Variants in UBE3C observed in about 807,000 individuals in gnomAD.
UBE3C encodes ubiquitin protein ligase E3C.
A neutral mutation model predicts 129.4 loss-of-function variants in UBE3C; 42 were observed. That is an observed-to-expected ratio of 0.32 (90% CI 0.25 to 0.42). The LOEUF (loss-of-function observed/expected upper bound fraction) is 0.42, where lower values mean the gene tolerates loss of function less well. UBE3C is among the 10% of genes least tolerant of loss of function. UBE3C has a pLI of 1.00. For missense variants in UBE3C, 1,049 were observed against 1,319.1 expected (o/e 0.80, Z 3.17); for synonymous variants, 510 against 492.4 (o/e 1.04, Z -0.47).
At chr7:157,258,277 A>G (rs77354933) in intron 22 of UBE3C, among the ~76,000 whole-genome samples, 2,054 of 152,050 alleles carry the variant, frequency 0.014, 49 homozygotes, top group African/African-American at 0.047. Flanking sequence ...ATAACCTTCA[A>G]TCAGAAAGAG....
At position 157,177,648 on chromosome 7, in the gene UBE3C, G is replaced by A. The variant is rs1808555727; in HGVS notation, c.459-1042G>A. The stretch of plus-strand genomic sequence containing the variant: ...AGTGTGGTGCTGAGGGGAAAGTTGT[G>A]AAAAGGGCAAAGACAAAACAAGGTC... On this transcript the variant is annotated intron_variant, in intron 5 of 22. Transcript: ENST00000348165. 3.9e-5 allele frequency among the ~76,000 whole-genome samples: 6 copies of A among 152,222 alleles called. 1 individual carries two copies. In the South Asian group the frequency reaches 1.0e-3, roughly 26 times the overall value.
chr7:157,247,147 A>G lies in UBE3C; in HGVS notation c.2482-1221A>G, dbSNP rs145876103. Among the ~76,000 whole-genome samples the G allele has an allele frequency of 1.8e-3, 274 of 152,222 alleles. 5 individuals are homozygous for G. In the East Asian group the frequency reaches 0.044, roughly 24 times the overall value. Reference sequence around the variant, plus strand: ...GTGATCCAGCCGCCTCAGCCTCCCAAAGTGCTGGGATTACAGGCGTGAGCC... The same window carrying G: ...GTGATCCAGCCGCCTCAGCCTCCCAGAGTGCTGGGATTACAGGCGTGAGCC... On this transcript the variant is annotated intron_variant, in intron 18 of 22. Transcript: ENST00000348165.
chr7:157,213,082 A>G (rs2117024363), intron 13 of UBE3C, among the ~76,000 whole-genome samples: 1 of 152,334 alleles, frequency 6.6e-6, no homozygotes, highest in East Asian at 1.9e-4. Context: ...GAATAAATTT[A>G]TTAGTACTTG....
chr7:157,253,834 T>G, intron 19 of UBE3C, 120 bp from the exon 20 acceptor site: 1 of 992,656 alleles, frequency 1.0e-6, no homozygotes, highest in Non-Finnish European at 1.5e-6. Flanking sequence ...TATTTCGTAT[T>G]TAGATTCTTG....
intron 10 of UBE3C, chr7:157,192,645 A>G (rs2116958003): frequency 1.3e-6 from 1 of 766,480 alleles, no homozygotes; most frequent in South Asian, 1.3e-5. Context: ...TAAGCGCAAG[A>G]GAAAGAAGGG....
At position 157,180,192 on chromosome 7, in the gene UBE3C, T is replaced by C. The variant is rs3824061; in HGVS notation, c.617-1326T>C. On this transcript the variant is annotated intron_variant, in intron 6 of 22. Coordinates refer to ENST00000348165, the MANE Select transcript of UBE3C (RefSeq NM_014671.3). ...GATAAAATTTTAGCCTTTTAAATTA[T>C]AGTATTACCATTATTTGTATTGTTA... is the stretch of plus-strand genomic sequence containing the variant. 1.8e-4 allele frequency among the ~76,000 whole-genome samples: 27 copies of C among 152,370 alleles called. No homozygotes were observed. In the East Asian group the frequency reaches 4.8e-3, roughly 27 times the overall value.
chr7:157,244,100 C>T lies in UBE3C; in HGVS notation c.2482-4268C>T, dbSNP rs145915780. On this transcript the variant is annotated intron_variant, in intron 18 of 22. Coordinates refer to ENST00000348165, the MANE Select transcript of UBE3C (RefSeq NM_014671.3). The stretch of plus-strand genomic sequence containing the variant: ...ACAAAAATTTGCTGGGCATGGTATG[C>T]GCACTTGTAATCCCAGCTGCTCGCG... Among the ~76,000 whole-genome samples the T allele has an allele frequency of 3.7e-3, 562 of 152,172 alleles. 6 individuals are homozygous for T. Among genetic ancestry groups the T allele is most frequent in the African/African-American group, 0.012 (513 of 41,510 alleles).
At chr7:157,173,318 G>T (rs765392440) in intron 4 of UBE3C, among the ~76,000 whole-genome samples, 8 of 152,226 alleles carry the variant, frequency 5.3e-5, no homozygotes, top group Non-Finnish European at 1.0e-4. Context: ...CAAGGCTGCA[G>T]TGAGCTATGA....
intron 13 of UBE3C, among the ~76,000 whole-genome samples, chr7:157,212,677 CCTG>C (rs1809630663): frequency 6.6e-6 from 1 of 152,212 alleles, no homozygotes; most frequent in Admixed American, 6.5e-5. Context: ...TTAAGGGAAA[CCTG>C]CTTACAGCAT....
In UBE3C at chr7:157,139,189, C is replaced by G; in HGVS notation, c.-84C>G. On this transcript the variant is annotated 5_prime_UTR_variant, in exon 1 of 23. Transcript: ENST00000348165. ...TGCCCCGGGCCGGGCGGGCGGGCGC[C>G]GAGAGCCTCCCAGCCCGCCCCGTGC... 1.9e-6 allele frequency: 2 copies of G among 1,039,128 alleles called. No individual in the cohort carries two copies. 64.4% of individuals were successfully genotyped at this position (1,039,128 alleles called of 1,614,324 possible).
chr7:157,215,642 A>G (rs1044304813), intron 13 of UBE3C, among the ~76,000 whole-genome samples: 2 of 151,294 alleles, frequency 1.3e-5, no homozygotes, highest in African/African-American at 2.4e-5. Flanking sequence ...TTCTGTGGTG[A>G]TTTCCGTTGT....
intron 18 of UBE3C, among the ~76,000 whole-genome samples, chr7:157,247,371 G>C (rs1362404274): frequency 6.6e-6 from 1 of 152,208 alleles, no homozygotes; most frequent in East Asian, 1.9e-4. Flanking sequence ...CTCAAGGAAT[G>C]GTAACTGTTG....
At chr7:157,237,988 G>A (rs1305814509) in intron 18 of UBE3C, among the ~76,000 whole-genome samples, 1 of 151,876 alleles carries the variant, frequency 6.6e-6, no homozygotes, top group East Asian at 1.9e-4. Context: ...AAATGTAGAG[G>A]CTGCAGTGAG....
At chr7:157,202,409 C>CT (rs1390659923) in intron 11 of UBE3C, among the ~76,000 whole-genome samples, 1 of 152,196 alleles carries the variant, frequency 6.6e-6, no homozygotes, top group Non-Finnish European at 1.5e-5. Flanking sequence ...GTAATTCCAG[C>CT]ACTTTGGGAG....
rs1324795732 is a variant in UBE3C at position 157,182,255 on chromosome 7, T to C, written c.918T>C (p.Ser306=). Residue 306 remains serine, a synonymous_variant, in exon 8 of 23, where the codon AGT becomes AGC. Transcript: ENST00000348165. ...PFLNALLLIE[S]RCSRKSGGAP... ...TGAATGCACTGTTGTTAATAGAGAG[T>C]AGATGTTCAAGAAAGAGTGGTGGAG... 3 of 1,614,116 alleles carry C rather than the reference T, an allele frequency of 1.9e-6. No individual in the cohort carries two copies. Among genetic ancestry groups the C allele is most frequent in the Admixed American group, 1.7e-5 (1 of 60,024 alleles).
At chr7:157,170,116 G>GT (rs1563038029) in intron 3 of UBE3C, among the ~76,000 whole-genome samples, 188 bp from the exon 4 acceptor site, 2 of 128,134 alleles carry the variant, frequency 1.6e-5, no homozygotes, top group African/African-American at 7.4e-5. Flanking sequence ...CACCATGCCT[G>GT]GTTTTTTTTT....
intron 4 of UBE3C, among the ~76,000 whole-genome samples, chr7:157,174,453 TTTTG>T (rs1328016596): frequency 1.3e-5 from 2 of 152,180 alleles, no homozygotes; most frequent in African/African-American, 2.4e-5. Context: ...ATGCAAATAC[TTTTG>T]TTTTTTTGGA....
At chr7:157,235,853 A>C (rs2116648432) in intron 18 of UBE3C, among the ~76,000 whole-genome samples, 1 of 152,348 alleles carries the variant, frequency 6.6e-6, no homozygotes, top group East Asian at 1.9e-4. Context: ...ACAGAGTTAA[A>C]CTTTGTGCTA....
intron 8 of UBE3C, among the ~76,000 whole-genome samples, chr7:157,183,112 T>G (rs1176260245): frequency 6.6e-6 from 1 of 152,164 alleles, no homozygotes; most frequent in Non-Finnish European, 1.5e-5. Flanking sequence ...GTGGGGTTTT[T>G]TTTCCCACAC....
Sources: allele counts gnomAD v4.1 joint callset (sites outside exome capture counted in the v4.1 genomes callset), GRCh38; gene constraint gnomAD v4.1.1; transcripts MANE v1.5; gene names NCBI Gene and HGNC (gene_info 2026-07-23, HGNC 2026-07-21).